The following ELAPOR1 variants were observed in gnomAD, a reference collection of about 807,000 sequenced individuals.
ELAPOR1 encodes the protein endosome/lysosome-associated apoptosis and autophagy regulator 1.
ELAPOR1 carries 77 observed loss-of-function variants against 119.7 expected under a neutral mutation model. The ratio of observed to expected loss-of-function variants is 0.64; its 90% confidence interval spans 0.54 to 0.78. The LOEUF (loss-of-function observed/expected upper bound fraction) is 0.78. Ranked by LOEUF, ELAPOR1 falls within the 30% of genes least tolerant of loss-of-function variation. The probability of loss-of-function intolerance (pLI) is 0.00; values close to 1 mark genes in which losing one functional copy is unlikely to be tolerated. For synonymous variants in ELAPOR1, 481 were observed against 487.2 expected (o/e 0.99, Z 0.17); for missense variants, 1,115 against 1,270.4 (o/e 0.88, Z 1.86).
chr1:109,191,189 G>A (rs572159973), intron 11 of ELAPOR1, among the ~76,000 whole-genome samples, 177 bp from the exon 12 acceptor site: 4 of 152,268 alleles, frequency 2.6e-5, no homozygotes, highest in Non-Finnish European at 4.4e-5. Context: ...TAAGGAAACC[G>A]TGGTTTGGCT....
intron 16 of ELAPOR1, 34 bp downstream of exon 16, chr1:109,197,688 A>AGAGAGTGTGTGTGTGT: frequency 7.3e-7 from 1 of 1,365,692 alleles, no homozygotes; most frequent in South Asian, 1.4e-5. Context: ...CTTGTTTGAG[A>AGAGAGTGTGTGTGTGT]GTGTGTGTGT....
At position 109,117,337 on chromosome 1, in the gene ELAPOR1, G is replaced by A. The variant is rs1160878114; in HGVS notation, c.153+3001G>A. Among the ~76,000 whole-genome samples the A allele has an allele frequency of 8.5e-5, 13 of 152,178 alleles. 1 individual carries two copies. The highest frequency in any genetic ancestry group is 2.9e-4 in the African/African-American group (12 of 41,432). On this transcript the variant is annotated intron_variant, in intron 1 of 21. Coordinates refer to ENST00000369939, the MANE Select transcript of ELAPOR1 (RefSeq NM_020775.5). ...TTAGCCAAGGCTAAGTGCTGACTGC[G>A]AGCCAAAGGAGCATTTCCCAAGGTG...
intron 12 of ELAPOR1, 126 bp downstream of exon 12, chr1:109,191,597 T>C: frequency 7.1e-7 from 1 of 1,417,794 alleles, no homozygotes; most frequent in Non-Finnish European, 9.8e-7. Context: ...AGGCCCAGAC[T>C]GACCAGCAGG....
At chr1:109,170,528 A>G (rs780258907) in intron 3 of ELAPOR1, among the ~76,000 whole-genome samples, 3 of 152,106 alleles carry the variant, frequency 2.0e-5, no homozygotes, top group Non-Finnish European at 2.9e-5. Flanking sequence ...GAGAGAGAGG[A>G]GGAAGTTCAT....
intron 1 of ELAPOR1, among the ~76,000 whole-genome samples, chr1:109,127,330 TCAGCCTCCCAAGTAGC>T (rs1401887701): frequency 0.011 from 1,648 of 149,626 alleles, 29 homozygotes; most frequent in African/African-American, 0.038. Context: ...TTCCCCTGCC[TCAGCCTCCCAAGTAGC>T]TGGGACTACA....
Position 109,185,087 on chromosome 1 carries a change from A to G in ELAPOR1, c.995A>G (p.Asp332Gly), listed in dbSNP as rs775706650. ...SSCNVRPACT[D>G]KDYFYTHTAC... ...TGTAACGTGCGCCCAGCTTGCACAGACAAAGATTATTTCTACACACACACG... is the reference window on the plus strand; with the variant it reads ...TGTAACGTGCGCCCAGCTTGCACAGGCAAAGATTATTTCTACACACACACG... Residue 332 changes from aspartate (D) to glycine (G), a missense_variant, in exon 8 of 22, where the codon GAC becomes GGC. Coordinates refer to ENST00000369939, the MANE Select transcript of ELAPOR1 (RefSeq NM_020775.5). 1 of 1,614,180 alleles carries G rather than the reference A, an allele frequency of 6.2e-7. No individual in the cohort carries two copies. The highest frequency in any genetic ancestry group is 1.1e-5 in the South Asian group (1 of 91,080).
At chr1:109,170,086 G>C (rs1250777117) in intron 3 of ELAPOR1, among the ~76,000 whole-genome samples, 1 of 152,226 alleles carries the variant, frequency 6.6e-6, no homozygotes, top group Non-Finnish European at 1.5e-5. Flanking sequence ...GTGAGTTTCA[G>C]AGCCCATAAA....
intron 3 of ELAPOR1, among the ~76,000 whole-genome samples, chr1:109,167,944 T>A (rs186591837): frequency 6.2e-4 from 94 of 152,130 alleles, no homozygotes; most frequent in Admixed American, 2.4e-3. Context: ...ACTTTCCCGC[T>A]CAAAACCCTA....
chr1:109,166,193 C>T (rs1029890456), intron 3 of ELAPOR1, among the ~76,000 whole-genome samples: 9 of 151,692 alleles, frequency 5.9e-5, no homozygotes, highest in Non-Finnish European at 1.2e-4. Context: ...GGGATTACAG[C>T]GTGAGCCACC....
In ELAPOR1 at chr1:109,189,127, C is replaced by A. The variant is rs146919608; in HGVS notation, c.1281C>A (p.Asn427Lys). Residue 427 changes from asparagine (N) to lysine (K), a missense_variant, in exon 10 of 22, where the codon AAC (asparagine) becomes AAA (lysine). Coordinates refer to ENST00000369939, the MANE Select transcript of ELAPOR1 (RefSeq NM_020775.5). ...PAVGFEYKWWNTLPTNMETTV... is the reference protein window; with the variant it reads ...PAVGFEYKWWKTLPTNMETTV... ...TGGGATTTGAATACAAATGGTGGAA[C>A]ACGCTGCCCACAAACATGGAAACGA... 6.2e-7 allele frequency: 1 copy of A among 1,614,136 alleles called. No individual in the cohort carries two copies. The highest frequency in any genetic ancestry group is 8.5e-7 in the Non-Finnish European group (1 of 1,179,986).
intron 1 of ELAPOR1, among the ~76,000 whole-genome samples, chr1:109,124,778 CT>C (rs1648665394): frequency 6.6e-6 from 1 of 152,304 alleles, no homozygotes; most frequent in East Asian, 1.9e-4. Flanking sequence ...ATACTGCATT[CT>C]TGGTCCATAA....
At chr1:109,174,201 G>A (rs1043774529) in intron 7 of ELAPOR1, among the ~76,000 whole-genome samples, 5 of 150,562 alleles carry the variant, frequency 3.3e-5, no homozygotes, top group Non-Finnish European at 7.4e-5. Context: ...TATTTTTATA[G>A]AGACAGGGGT....
chr1:109,166,164 C>T (rs1319668870), intron 3 of ELAPOR1, among the ~76,000 whole-genome samples: 3 of 152,100 alleles, frequency 2.0e-5, no homozygotes, highest in Admixed American at 6.5e-5. Flanking sequence ...ATCCACCTGC[C>T]TCGGCCTCCC....
At chr1:109,178,400 A>G (rs991861620) in intron 7 of ELAPOR1, among the ~76,000 whole-genome samples, 1 of 151,976 alleles carries the variant, frequency 6.6e-6, no homozygotes, top group African/African-American at 2.4e-5. Context: ...TTGAGACTTG[A>G]CTCTTCCAGA....
intron 1 of ELAPOR1, among the ~76,000 whole-genome samples, chr1:109,135,590 T>C (rs1024878152): frequency 2.0e-5 from 3 of 152,218 alleles, no homozygotes; most frequent in Non-Finnish European, 4.4e-5. Context: ...CTGCTGCTGC[T>C]GCTGCCCCCA....
In ELAPOR1 at chr1:109,172,023, T is replaced by G; in HGVS notation, c.615+10T>G. ...CATCTTTGAGTTTTTCGTAAGCCCC[T>G]GGCCAAGGTGGAGGGTGGGAGCTAA... On this transcript the variant is annotated intron_variant, in intron 4 of 21. Transcript: ENST00000369939. 6.2e-7 allele frequency: 1 copy of G among 1,614,148 alleles called. No homozygotes were observed. The highest frequency in any genetic ancestry group is 8.5e-7 in the Non-Finnish European group (1 of 1,179,978).
At chr1:109,144,059 A>ATTTTTTTTTTTTTTTTT (rs1243626258) in intron 1 of ELAPOR1, among the ~76,000 whole-genome samples, 1 of 34,408 alleles carries the variant, frequency 2.9e-5, no homozygotes, top group African/African-American at 7.7e-5. Context: ...ATATATTTAT[A>ATTTTTTTTTTTTTTTTT]TATTTTTTTT....
chr1:109,149,620 CT>C (rs1170526149), intron 1 of ELAPOR1, among the ~76,000 whole-genome samples: 1 of 152,150 alleles, frequency 6.6e-6, no homozygotes, highest in African/African-American at 2.4e-5. Context: ...TTGAAAGCTA[CT>C]ATGTCAGGTG....
chr1:109,146,124 C>A (rs550788661), intron 1 of ELAPOR1, among the ~76,000 whole-genome samples: 1 of 152,144 alleles, frequency 6.6e-6, no homozygotes, highest in South Asian at 2.1e-4. Context: ...CCAGCCTGGG[C>A]AACATGGCAA....
Sources: allele counts gnomAD v4.1 joint callset (sites outside exome capture counted in the v4.1 genomes callset), GRCh38; gene constraint gnomAD v4.1.1; transcripts MANE v1.5; gene names NCBI Gene and HGNC (gene_info 2026-07-23, HGNC 2026-07-21).